R3HDM1: variants seen among roughly 807,000 people sequenced by gnomAD.
R3HDM1 encodes R3H domain-containing protein 1.
A neutral mutation model predicts 141.1 loss-of-function variants in R3HDM1; 46 were observed. The observed-to-expected ratio is 0.33, with a 90% CI of 0.26 to 0.42. The LOEUF (loss-of-function observed/expected upper bound fraction) is 0.42, where lower values mean the gene tolerates loss of function less well. R3HDM1 is among the 10% of genes least tolerant of loss of function. The pLI is 1.00. For synonymous variants in R3HDM1, 435 were observed against 472.9 expected (o/e 0.92, Z 1.04); for missense variants, 1,184 against 1,368.3 (o/e 0.87, Z 2.12).
chr2:135,684,909 C>T (rs747408247), intron 21 of R3HDM1, among the ~76,000 whole-genome samples: 4 of 152,078 alleles, frequency 2.6e-5, no homozygotes, highest in East Asian at 1.9e-4. Context: ...ACCACAGGCA[C>T]GCACCACCAC....
chr2:135,560,675 A>G (rs1246649696), intron 1 of R3HDM1, among the ~76,000 whole-genome samples: 1 of 152,248 alleles, frequency 6.6e-6, no homozygotes, highest in African/African-American at 2.4e-5. Context: ...TCTTTGGATA[A>G]GAATAAAAAA....
intron 24 of R3HDM1, among the ~76,000 whole-genome samples, chr2:135,718,045 T>C (rs1280278282): frequency 6.6e-6 from 1 of 152,182 alleles, no homozygotes; most frequent in East Asian, 1.9e-4. Flanking sequence ...AACAACATGA[T>C]GACTCTCCGG....
chr2:135,721,717 A>G (rs1024040884), intron 24 of R3HDM1: 17 of 411,702 alleles, frequency 4.1e-5, no homozygotes, highest in Non-Finnish European at 7.8e-5. Flanking sequence ...CCTCCTGAGT[A>G]GCTAGAATTA....
At chr2:135,607,914 C>A (rs1391187122) in intron 3 of R3HDM1, 1 of 982,950 alleles carries the variant, frequency 1.0e-6, no homozygotes, top group Non-Finnish European at 1.2e-6. Context: ...TTTCCTATAG[C>A]ATAGCGACTG....
chr2:135,647,873 G>T (rs1437976590), intron 16 of R3HDM1, among the ~76,000 whole-genome samples: 2 of 152,116 alleles, frequency 1.3e-5, no homozygotes, highest in South Asian at 2.1e-4. Flanking sequence ...TCCCTAAATG[G>T]TGTCAGAATT....
intron 1 of R3HDM1, among the ~76,000 whole-genome samples, chr2:135,591,905 G>A (rs1299284774): frequency 2.6e-5 from 4 of 152,316 alleles, no homozygotes; most frequent in East Asian, 1.9e-4. Context: ...CTCTCCCCAT[G>A]AGGTCAAGAT....
chr2:135,701,385 C>G (rs1229959458), intron 21 of R3HDM1, among the ~76,000 whole-genome samples: 1 of 152,200 alleles, frequency 6.6e-6, no homozygotes, highest in Middle Eastern at 3.4e-3. Flanking sequence ...GGTCACAGAG[C>G]AAGACCCTAT....
chr2:135,700,194 C>T (rs1575114501), intron 21 of R3HDM1, among the ~76,000 whole-genome samples: 3 of 151,484 alleles, frequency 2.0e-5, no homozygotes, highest in African/African-American at 7.3e-5. Context: ...CATGGAGTAA[C>T]CTGGTAACCT....
chr2:135,700,732 T>C (rs1157068842), intron 21 of R3HDM1, among the ~76,000 whole-genome samples: 1 of 152,200 alleles, frequency 6.6e-6, no homozygotes, highest in Non-Finnish European at 1.5e-5. Context: ...CCATGAAATA[T>C]TTACAAAAAC....
chr2:135,716,522 A>G (rs1310004010), intron 24 of R3HDM1, among the ~76,000 whole-genome samples: 1 of 152,200 alleles, frequency 6.6e-6, no homozygotes, highest in Non-Finnish European at 1.5e-5. Context: ...GCACACAAAG[A>G]TTTATATACA....
chr2:135,613,257 G>A (rs190004451), intron 3 of R3HDM1, among the ~76,000 whole-genome samples: 1 of 152,130 alleles, frequency 6.6e-6, no homozygotes, highest in Admixed American at 6.5e-5. Context: ...TGAAGCTGTA[G>A]GTCTGAGGTC....
intron 1 of R3HDM1, among the ~76,000 whole-genome samples, chr2:135,578,600 T>C (rs1706053644): frequency 6.6e-6 from 1 of 152,164 alleles, no homozygotes; most frequent in Non-Finnish European, 1.5e-5. Flanking sequence ...CAATATTAAC[T>C]TGATTTATGA....
intron 24 of R3HDM1, among the ~76,000 whole-genome samples, chr2:135,720,249 A>T (rs2076576592): frequency 6.6e-6 from 1 of 152,116 alleles, no homozygotes; most frequent in Admixed American, 6.5e-5. Flanking sequence ...GGGAAAGAGT[A>T]TGTCATGCAT....
intron 21 of R3HDM1, among the ~76,000 whole-genome samples, chr2:135,682,002 A>T (rs975612492): frequency 6.6e-6 from 1 of 150,862 alleles, no homozygotes; most frequent in Non-Finnish European, 1.5e-5. Flanking sequence ...TGTGAGTTTA[A>T]ATTTTATAAA....
intron 1 of R3HDM1, among the ~76,000 whole-genome samples, chr2:135,576,231 A>G (rs1270495442): frequency 6.6e-6 from 1 of 151,770 alleles, no homozygotes; most frequent in Non-Finnish European, 1.5e-5. Flanking sequence ...AACCCTGACT[A>G]AAAAATTAGC....
chr2:135,532,246 TAAAAAG>T (rs1204293104), intron 1 of R3HDM1, among the ~76,000 whole-genome samples: 1 of 152,210 alleles, frequency 6.6e-6, no homozygotes, highest in Non-Finnish European at 1.5e-5. Flanking sequence ...ATGGGAATAT[TAAAAAG>T]AAAGTTGAAT....
Position 135,621,576 on chromosome 2 carries a change from GTGATAAGTTGCC to G in R3HDM1, c.387_398del (p.Asp130_Pro133del). 6.3e-7 allele frequency: 1 copy of G among 1,597,488 alleles called. No individual in the cohort carries two copies. The highest frequency in any genetic ancestry group is 2.2e-5 in the East Asian group (1 of 44,504). On this transcript the variant is annotated inframe_deletion, in exon 6 of 27. Coordinates refer to ENST00000683871, the MANE Select transcript of R3HDM1 (RefSeq NM_001378107.1). ...GATGAAGCAGAAAAAGAAAAGGCCA[GTGATAAGTTGCC>G]CAGAAAAATGTTATCAAGAGGTTTG...
chr2:135,676,202 A>G lies in R3HDM1; in HGVS notation c.2307+716A>G, dbSNP rs75492367. Among the ~76,000 whole-genome samples the G allele has an allele frequency of 0.011, 1,649 of 152,204 alleles. 100 individuals carry two copies. In the East Asian group the frequency reaches 0.19, roughly 17 times the overall value. On this transcript the variant is annotated intron_variant, in intron 20 of 26. Transcript: ENST00000683871. ...ATAGCTAGGCAAGGTGGCGGGGCCT[A>G]TAATTCCAGCTACTCGGGAAGCTGA...
chr2:135,581,243 G>A, intron 1 of R3HDM1: 3 of 985,386 alleles, frequency 3.0e-6, no homozygotes, highest in East Asian at 1.1e-4. Flanking sequence ...AGAAAGTGGG[G>A]TATAAGATCC....
Sources: gnomAD v4.1 joint callset for allele counts (sites outside exome capture counted in the v4.1 genomes callset) on GRCh38, gnomAD v4.1.1 for gene constraint, MANE v1.5 for transcripts, NCBI Gene and HGNC (gene_info 2026-07-23, HGNC 2026-07-21) for gene names.